The following CHM variants were observed in gnomAD, a reference collection of about 807,000 sequenced individuals.
CHM encodes the protein CHM Rab escort protein.
A neutral mutation model predicts 49.0 loss-of-function variants in CHM; 10 were observed. The ratio of observed to expected loss-of-function variants is 0.20; its 90% CI spans 0.13 to 0.35. The LOEUF (loss-of-function observed/expected upper bound fraction) is 0.35, where lower values mean the gene tolerates loss of function less well. CHM is among the 10% of genes least tolerant of loss of function. CHM has a pLI of 1.00. For missense variants in CHM, 455 were observed against 478.4 expected (o/e 0.95, Z 0.46); for synonymous variants, 184 against 167.5 (o/e 1.10, Z -0.76).
intron 8 of CHM, among the ~76,000 whole-genome samples, chrX:85,916,319 A>G (rs1010052596): frequency 8.9e-5 from 10 of 112,258 alleles, no homozygotes; most frequent in African/African-American, 3.2e-4. Flanking sequence ...TAGATTAACA[A>G]CTTAAATGTA....
At chrX:85,926,725 G>A (rs767559345) in intron 8 of CHM, among the ~76,000 whole-genome samples, 31 of 111,784 alleles carry the variant, frequency 2.8e-4, no homozygotes, top group African/African-American at 9.4e-4. Flanking sequence ...GGGGGCTAAG[G>A]ATGAAATTGA....
chrX:85,960,306 G>C (rs921766422), intron 5 of CHM, among the ~76,000 whole-genome samples: 2 of 111,459 alleles, frequency 1.8e-5, no homozygotes, highest in African/African-American at 3.3e-5. Context: ...ATGCCAGCTT[G>C]AAAAATAATG....
rs188001895 is a variant in CHM at position 86,006,438 on chromosome X, A to T, written c.116+21053T>A. Among the ~76,000 whole-genome samples the T allele has an allele frequency of 1.0e-3, 115 of 111,862 alleles. 1 individual carries two copies. Among genetic ancestry groups the T allele is most frequent in the Non-Finnish European group, 1.7e-3 (90 of 53,238 alleles). On this transcript the variant is annotated intron_variant, in intron 2 of 14. Coordinates refer to ENST00000357749, the MANE Select transcript of CHM (RefSeq NM_000390.4). ...GGCAATCAGGTAAGTGAAAGAAATA[A>T]AGGGTATTTAATTAGGAAAAGAAGA...
chrX:85,943,702 A>G (rs1214781773), intron 8 of CHM, among the ~76,000 whole-genome samples: 1 of 111,936 alleles, frequency 8.9e-6, no homozygotes, highest in Non-Finnish European at 1.9e-5. Context: ...AAATAACACA[A>G]TATTTTTGCA....
intron 2 of CHM, among the ~76,000 whole-genome samples, chrX:86,010,498 T>C (rs1015974447): frequency 9.0e-6 from 1 of 110,805 alleles, no homozygotes; most frequent in African/African-American, 3.3e-5. Context: ...TAAAATTAAA[T>C]ATATTCAAAA....
At chrX:85,892,232 C>A (rs1250957259) in intron 12 of CHM, among the ~76,000 whole-genome samples, 2 of 110,589 alleles carry the variant, frequency 1.8e-5, no homozygotes, top group African/African-American at 6.6e-5. Flanking sequence ...CTTTGGGGGA[C>A]TGTTGGGAAG....
intron 8 of CHM, among the ~76,000 whole-genome samples, chrX:85,926,812 AAATTT>A (rs1250087013): frequency 9.0e-6 from 1 of 111,647 alleles, no homozygotes; most frequent in Non-Finnish European, 1.9e-5. Flanking sequence ...TTAATAATTA[AAATTT>A]AATTTAAAAT....
intron 2 of CHM, among the ~76,000 whole-genome samples, chrX:85,994,304 G>A (rs1037244364): frequency 2.7e-5 from 3 of 111,548 alleles, no homozygotes; most frequent in Non-Finnish European, 5.6e-5. Context: ...ACCATCCTCC[G>A]CTCCTTGCAA....
At chrX:85,937,262 C>CA (rs1160612271) in intron 8 of CHM, among the ~76,000 whole-genome samples, 2,320 of 42,488 alleles carry the variant, frequency 0.055, 56 homozygotes, top group East Asian at 0.16. Flanking sequence ...GAGACTCCGT[C>CA]AAAAAAAAAA....
At chrX:85,889,731 T>C (rs1271507146) in intron 12 of CHM, among the ~76,000 whole-genome samples, 2 of 110,875 alleles carry the variant, frequency 1.8e-5, no homozygotes, top group African/African-American at 6.6e-5. Flanking sequence ...GAAATCATTG[T>C]ACAAAGAAAA....
At chrX:85,895,014 A>C (rs1925724389) in intron 11 of CHM, among the ~76,000 whole-genome samples, 1 of 111,576 alleles carries the variant, frequency 9.0e-6, no homozygotes, top group Admixed American at 9.5e-5. Context: ...CAAAAGTAAA[A>C]TGTAAAATTA....
At chrX:85,956,539 A>T (rs926551210) in intron 7 of CHM, among the ~76,000 whole-genome samples, 161 bp from the exon 8 acceptor site, 1 of 111,448 alleles carries the variant, frequency 9.0e-6, no homozygotes, top group East Asian at 2.8e-4. Context: ...AAATGGAAAC[A>T]ATCTCTCTCT....
At chrX:86,021,174 G>GTATA (rs5902894) in intron 2 of CHM, among the ~76,000 whole-genome samples, 1 of 69,359 alleles carries the variant, frequency 1.4e-5, no homozygotes, top group Non-Finnish European at 2.6e-5. Context: ...ATATATATGT[G>GTATA]TATATATATA....
At chrX:85,911,146 T>TGA (rs1926923797) in intron 9 of CHM, 115 bp downstream of exon 9, 1 of 17,202 alleles carries the variant, frequency 5.8e-5, no homozygotes, top group African/African-American at 3.4e-4. Context: ...TATATATATA[T>TGA]ATATATATAT....
chrX:85,912,635 G>A (rs1201540429), intron 8 of CHM, among the ~76,000 whole-genome samples: 1 of 111,433 alleles, frequency 9.0e-6, no homozygotes, highest in Non-Finnish European at 1.9e-5. Context: ...CTGGCAAGAA[G>A]GACTTTACAG....
At chrX:85,905,025 G>C (rs1158391055) in intron 9 of CHM, among the ~76,000 whole-genome samples, 1 of 111,468 alleles carries the variant, frequency 9.0e-6, no homozygotes, top group Non-Finnish European at 1.9e-5. Flanking sequence ...TACCATCTGT[G>C]GGTGTCATGA....
chrX:85,956,513 G>T, intron 7 of CHM, 135 bp from the exon 8 acceptor site: 1 of 875,848 alleles, frequency 1.1e-6, no homozygotes, highest in Non-Finnish European at 1.5e-6. Context: ...GGACACTGAT[G>T]GTTGATCTTA....
intron 2 of CHM, among the ~76,000 whole-genome samples, chrX:85,983,176 G>C (rs1039595851): frequency 9.0e-6 from 1 of 110,840 alleles, no homozygotes; most frequent in Non-Finnish European, 1.9e-5. Context: ...GCCTGTGAAA[G>C]TAGCTTTATT....
intron 8 of CHM, among the ~76,000 whole-genome samples, chrX:85,947,478 C>T (rs999837010): frequency 4.5e-5 from 5 of 111,469 alleles, no homozygotes; most frequent in East Asian, 2.8e-4. Context: ...GCTGCCCTTT[C>T]GCCTTCCATC....
Sources: allele counts gnomAD v4.1 joint callset (sites outside exome capture counted in the v4.1 genomes callset), GRCh38; gene constraint gnomAD v4.1.1; transcripts MANE v1.5; gene names NCBI Gene and HGNC (gene_info 2026-07-23, HGNC 2026-07-21).